DYNLRB2: variants seen among roughly 807,000 people sequenced by gnomAD.
DYNLRB2 encodes the protein dynein light chain roadblock-type 2.
DYNLRB2 carries 14 observed loss-of-function variants against 12.6 expected under a neutral mutation model. That is an observed-to-expected ratio of 1.11 (90% CI 0.73 to 1.73). The LOEUF (loss-of-function observed/expected upper bound fraction) is 1.73, where lower values mean the gene tolerates loss of function less well. Among genes scored for constraint, DYNLRB2 ranks in the 40% most tolerant of loss-of-function variants. The pLI, the probability that DYNLRB2 is intolerant of heterozygous loss-of-function variation, is 0.00. For synonymous variants in DYNLRB2, 53 were observed against 37.0 expected (o/e 1.43, Z -1.57); for missense variants, 142 against 117.7 (o/e 1.21, Z -0.95).
intron 1 of DYNLRB2, chr16:80,541,538 A>G: frequency 2.7e-6 from 1 of 374,068 alleles, no homozygotes; most frequent in South Asian, 1.1e-4. Flanking sequence ...AAGGGAAATA[A>G]AGAAAAAGGA....
chr16:80,541,159 C>T, intron 1 of DYNLRB2, 80 bp downstream of exon 1: 1 of 1,532,498 alleles, frequency 6.5e-7, no homozygotes, highest in South Asian at 1.3e-5. Context: ...GCTTCTGGGG[C>T]CCACCCAGGC....
chr16:80,548,144 G>T, intron 2 of DYNLRB2: 2 of 160,320 alleles, frequency 1.2e-5, no homozygotes, highest in South Asian at 1.6e-4. Flanking sequence ...GGATACCTAA[G>T]GAATTTGATA....
chr16:80,541,125 G>T (rs1370950373), intron 1 of DYNLRB2, 46 bp downstream of exon 1: 7 of 1,590,452 alleles, frequency 4.4e-6, no homozygotes, highest in Non-Finnish European at 6.0e-6. Flanking sequence ...CAAGCACGCC[G>T]ACCGTCAAGG....
chr16:80,550,497 T>G lies in DYNLRB2; in HGVS notation c.248-18T>G. On this transcript the variant is annotated intron_variant, in intron 3 of 3. Transcript: ENST00000305904. ...AATTTAAATTAAGGGTGAATTGATT[T>G]TATCCATCTCTCCATAGATAAGGAA... 6.2e-7 allele frequency: 1 copy of G among 1,614,002 alleles called. No homozygotes were observed. Among genetic ancestry groups the G allele is most frequent in the Non-Finnish European group, 8.5e-7 (1 of 1,179,914 alleles).
chr16:80,548,742 AT>A lies in DYNLRB2; in HGVS notation c.80-741del, dbSNP rs368540049. Among the ~76,000 whole-genome samples the A allele has an allele frequency of 3.4e-3, 296 of 87,100 alleles. 1 individual carries two copies. Among genetic ancestry groups the A allele is most frequent in the Admixed American group, 3.3e-3 (31 of 9,304 alleles). The allele number at this position is 87,100 out of a possible 152,430, so 57.1% of individuals were successfully genotyped here. On this transcript the variant is annotated intron_variant, in intron 2 of 3. Transcript: ENST00000305904. ...ACTCCGTCTCAAAAAAAAAAAAAAAATAGAGCACCCAAGTAGCCAAATTTAA... is the reference window on the plus strand; with the variant it reads ...ACTCCGTCTCAAAAAAAAAAAAAAAAAGAGCACCCAAGTAGCCAAATTTAA...
chr16:80,544,506 G>T (rs1904333600), intron 2 of DYNLRB2, among the ~76,000 whole-genome samples: 1 of 152,122 alleles, frequency 6.6e-6, no homozygotes, highest in Admixed American at 6.5e-5. Flanking sequence ...ATATTTCCAG[G>T]AAGCATTCCA....
At chr16:80,545,098 G>A (rs1904366882) in intron 2 of DYNLRB2, among the ~76,000 whole-genome samples, 1 of 152,128 alleles carries the variant, frequency 6.6e-6, no homozygotes, top group African/African-American at 2.4e-5. Flanking sequence ...GTGACAGCCA[G>A]AACCACTCAT....
At chr16:80,547,173 A>G (rs1031353984) in intron 2 of DYNLRB2, among the ~76,000 whole-genome samples, 2 of 152,222 alleles carry the variant, frequency 1.3e-5, no homozygotes, top group African/African-American at 4.8e-5. Flanking sequence ...TGAGTGACTT[A>G]TGTGTACTGA....
chr16:80,547,029 T>C (rs562342954), intron 2 of DYNLRB2, among the ~76,000 whole-genome samples: 4 of 152,328 alleles, frequency 2.6e-5, no homozygotes, highest in African/African-American at 9.6e-5. Context: ...AAATGTGAAA[T>C]GAGATGACCA....
intron 1 of DYNLRB2, chr16:80,541,320 G>A (rs1904286046): frequency 3.1e-6 from 3 of 981,032 alleles, no homozygotes; most frequent in South Asian, 9.4e-5. Context: ...ATAAGGAGGG[G>A]TGATGTTGAG....
At chr16:80,542,558 G>A (rs551172244) in intron 1 of DYNLRB2, among the ~76,000 whole-genome samples, 10 of 152,300 alleles carry the variant, frequency 6.6e-5, no homozygotes, top group African/African-American at 2.2e-4. Context: ...AAAATTTGCA[G>A]GTTTGGAAAA....
chr16:80,541,367 C>G (rs746596375), intron 1 of DYNLRB2: 5 of 984,434 alleles, frequency 5.1e-6, no homozygotes, highest in African/African-American at 3.5e-5. Flanking sequence ...GAAGAATGCT[C>G]AGGGGAGTGA....
In DYNLRB2 at chr16:80,542,988, A is replaced by C. The variant is rs933932747; in HGVS notation, c.4-288A>C. 3.9e-5 allele frequency among the ~76,000 whole-genome samples: 6 copies of C among 152,254 alleles called. No individual in the cohort carries two copies. The South Asian group carries it at 6.2e-4, about 16-fold the overall frequency. On this transcript the variant is annotated intron_variant, in intron 1 of 3. Transcript: ENST00000305904. ...GCAATGTAAAGAATACTTTTCTAGTAAATGGAAACAGATAAAAATGGAGTG... is the reference window on the plus strand; with the variant it reads ...GCAATGTAAAGAATACTTTTCTAGTCAATGGAAACAGATAAAAATGGAGTG...
intron 2 of DYNLRB2, among the ~76,000 whole-genome samples, chr16:80,544,180 G>T (rs542552663): frequency 1.3e-5 from 2 of 152,188 alleles, no homozygotes; most frequent in African/African-American, 4.8e-5. Context: ...CTGAAAGTCT[G>T]CTTAAATTCT....
chr16:80,549,718 T>TA, intron 3 of DYNLRB2, 67 bp downstream of exon 3: 2 of 1,462,594 alleles, frequency 1.4e-6, no homozygotes. Flanking sequence ...GCCTTGTTTC[T>TA]ATGAATGGTA....
At chr16:80,540,892 A>C, upstream of DYNLRB2, 1 of 1,071,174 alleles carries the variant, frequency 9.3e-7, no homozygotes, top group Non-Finnish European at 1.4e-6. Context: ...ACCTTCGCCT[A>C]CGGCGGCCGG....
At chr16:80,550,385 C>A in intron 3 of DYNLRB2, 130 bp from the exon 4 acceptor site, 1 of 975,350 alleles carries the variant, frequency 1.0e-6, no homozygotes, top group Non-Finnish European at 1.6e-6. Context: ...TTCATACGTG[C>A]AGATAGGGTG....
chr16:80,544,085 T>C (rs1245010961), intron 2 of DYNLRB2, among the ~76,000 whole-genome samples: 1 of 152,188 alleles, frequency 6.6e-6, no homozygotes, highest in Non-Finnish European at 1.5e-5. Flanking sequence ...TTTACATAAT[T>C]TGTGGTGCAA....
intron 2 of DYNLRB2, among the ~76,000 whole-genome samples, chr16:80,545,414 TG>T (rs1423733897): frequency 6.6e-6 from 1 of 152,102 alleles, no homozygotes; most frequent in Admixed American, 6.5e-5. Flanking sequence ...TTTAGTGTCT[TG>T]GGAAACTACT....
Sources: allele counts gnomAD v4.1 joint callset (sites outside exome capture counted in the v4.1 genomes callset), GRCh38; gene constraint gnomAD v4.1.1; transcripts MANE v1.5; gene names NCBI Gene and HGNC (gene_info 2026-07-23, HGNC 2026-07-21).